Variants in RFT1 observed in about 807,000 individuals in gnomAD.
RFT1 encodes man(5)GlcNAc(2)-PP-dolichol translocation protein RFT1.
Under a neutral mutation model 62.2 loss-of-function variants are expected in RFT1, and 43 were observed. That is an observed-to-expected ratio of 0.69 (90% CI 0.54 to 0.89). The LOEUF (loss-of-function observed/expected upper bound fraction) is 0.89, where lower values mean the gene tolerates loss of function less well. Ranked by LOEUF, RFT1 falls within the 40% of genes least tolerant of loss-of-function variation. RFT1 has a pLI of 0.00. For missense variants in RFT1, 605 were observed against 649.9 expected, an observed-to-expected ratio of 0.93 and a Z score of 0.75; for synonymous variants, 262 against 264.6, an observed-to-expected ratio of 0.99 and a Z score of 0.10.
Position 53,130,328 on chromosome 3 carries a change from CAG to C in RFT1, c.63+8_63+9del. On this transcript the variant is annotated splice_region_variant and intron_variant, in intron 1 of 12. Coordinates refer to ENST00000296292, the MANE Select transcript of RFT1 (RefSeq NM_052859.4). The stretch of plus-strand genomic sequence containing the variant: ...GCAGTACAAGCTGGAACCTGAAGGG[CAG>C]AGAGTACCTGCAGGAGGAGACCGGA... 1 of 1,565,586 alleles carries C rather than the reference CAG, an allele frequency of 6.4e-7. No homozygotes were observed. The highest frequency in any genetic ancestry group is 1.9e-5 in the Admixed American group (1 of 53,232).
chr3:53,070,549 C>A, the RFT1 span, among the ~76,000 whole-genome samples: 1 of 151,446 alleles, frequency 6.6e-6, no homozygotes, highest in South Asian at 2.1e-4. Context: ...TTACAGGCAT[C>A]CGCCACCACA....
chr3:53,125,807 T>C, intron 2 of RFT1, 102 bp downstream of exon 2: 1 of 895,102 alleles, frequency 1.1e-6, no homozygotes, highest in East Asian at 2.6e-5. Flanking sequence ...CTGATAAAGG[T>C]CCATGCTTCT....
downstream of RFT1, among the ~76,000 whole-genome samples, chr3:53,086,559 A>G (rs1575474731): frequency 6.6e-6 from 1 of 152,016 alleles, no homozygotes; most frequent in East Asian, 1.9e-4. Context: ...CAGGCGATCC[A>G]CCTGCCTCGG....
Position 53,099,482 on chromosome 3 carries a change from A to G in RFT1, c.1107T>C (p.Pro369=), listed in dbSNP as rs1392423722. 1.9e-6 allele frequency: 3 copies of G among 1,613,230 alleles called. No homozygotes were observed. The highest frequency in any genetic ancestry group is 3.3e-5 in the Admixed American group (2 of 59,984). The change falls in exon 11 of 13, where the codon CCT becomes CCC. Residue 369 remains proline (P), a synonymous_variant. Coordinates refer to ENST00000296292, the MANE Select transcript of RFT1 (RefSeq NM_052859.4). ...AGAGACAGTAGGAACGCAGCAAAAC[A>G]GGACCTACAAGGAAACAACTCACTG... ...GGTMLSSGSG[P]VLLRSYCLYV... is the part of the protein sequence containing the mutation.
At chr3:53,120,844 C>T (rs1216123632) in intron 5 of RFT1, among the ~76,000 whole-genome samples, 2 of 152,152 alleles carry the variant, frequency 1.3e-5, no homozygotes, top group Non-Finnish European at 2.9e-5. Flanking sequence ...GGTGTGGGCC[C>T]CTCTGCTCTC....
intron 1 of RFT1, among the ~76,000 whole-genome samples, chr3:53,127,306 T>C (rs1348090095): frequency 2.0e-5 from 3 of 152,208 alleles, no homozygotes; most frequent in Non-Finnish European, 2.9e-5. Context: ...CTAATTGTTA[T>C]AAGCCTCAAT....
chr3:53,105,426 C>A (rs867264482), intron 9 of RFT1, among the ~76,000 whole-genome samples: 1,529 of 129,668 alleles, frequency 0.012, 23 homozygotes, highest in Middle Eastern at 0.031. Context: ...CCCCCCCCCC[C>A]AAAAAGAGTA....
intron 9 of RFT1, 67 bp from the exon 10 acceptor site, chr3:53,104,164 G>T: frequency 6.5e-7 from 1 of 1,531,354 alleles, no homozygotes; most frequent in Non-Finnish European, 9.0e-7. Context: ...CATCCTTCAC[G>T]TCTGGCCTTC....
the RFT1 span, among the ~76,000 whole-genome samples, chr3:53,075,032 A>C: frequency 6.6e-6 from 1 of 152,214 alleles, no homozygotes; most frequent in Middle Eastern, 3.4e-3. Context: ...TCAGGCCCTC[A>C]GCCCTGAGCA....
At chr3:53,126,655 G>A (rs542151669) in intron 1 of RFT1, among the ~76,000 whole-genome samples, 5 of 152,310 alleles carry the variant, frequency 3.3e-5, no homozygotes, top group East Asian at 1.9e-4. Flanking sequence ...AAGGGAGAGA[G>A]TGTCCAATTA....
At chr3:53,120,169 T>C in intron 5 of RFT1, 148 bp from the exon 6 acceptor site, 3 of 645,856 alleles carry the variant, frequency 4.6e-6, no homozygotes, top group Non-Finnish European at 5.1e-6. Flanking sequence ...ATGGCACTAG[T>C]CACTTAGACC....
chr3:53,090,365 A>G lies in RFT1; in HGVS notation c.*1538T>C, dbSNP rs1054249925. 2.6e-5 allele frequency: 4 copies of G among 152,532 alleles called. No homozygotes were observed. The highest frequency in any genetic ancestry group is 7.2e-5 in the African/African-American group (3 of 41,382). The allele number at this position is 152,532 out of a possible 1,614,324, so 9.4% of individuals were successfully genotyped here. Reference sequence around the variant, plus strand: ...TGTGTGCTCCACTTGACCCTATGGGACCATCCATTTTTCTGAGCTGGCCTG... The same window carrying G: ...TGTGTGCTCCACTTGACCCTATGGGGCCATCCATTTTTCTGAGCTGGCCTG... On this transcript the variant is annotated 3_prime_UTR_variant, in exon 13 of 13. Coordinates refer to ENST00000296292, the MANE Select transcript of RFT1 (RefSeq NM_052859.4).
intron 6 of RFT1, among the ~76,000 whole-genome samples, chr3:53,119,211 A>G (rs551103864): frequency 1.3e-5 from 2 of 149,334 alleles, no homozygotes; most frequent in East Asian, 3.9e-4. Flanking sequence ...CTCAAGGAGA[A>G]AAAAAAAAAA....
chr3:53,116,333 G>A (rs116586712), intron 6 of RFT1, among the ~76,000 whole-genome samples: 2,314 of 136,936 alleles, frequency 0.017, 61 homozygotes, highest in African/African-American at 0.061. Context: ...TCACTCTGTC[G>A]CCCAGGCTAA....
chr3:53,106,816 T>C lies in RFT1; in HGVS notation c.826+3A>G, dbSNP rs1257317057. ...ATTAAAACACTACAGAATTTCATCT[T>C]ACCCTGATCACCAAAGTTCAATACA... On this transcript the variant is annotated splice_donor_region_variant and intron_variant, in intron 8 of 12. Coordinates refer to ENST00000296292, the MANE Select transcript of RFT1 (RefSeq NM_052859.4). 1.2e-6 allele frequency: 2 copies of C among 1,609,840 alleles called. No homozygotes were observed. Among genetic ancestry groups the C allele is most frequent in the South Asian group, 1.1e-5 (1 of 90,974 alleles).
rs76748625 is a variant in RFT1 at position 53,102,020 on chromosome 3, G to A, written c.1102+1933C>T. Among the ~76,000 whole-genome samples, 20 of 151,796 alleles carry A rather than the reference G, an allele frequency of 1.3e-4. 1 individual carries two copies. The East Asian group carries it at 3.9e-3, about 29-fold the overall frequency. On this transcript the variant is annotated intron_variant, in intron 10 of 12. Transcript: ENST00000296292. ...CCACTGTACTCCAGCCTGGGTGATAGAGTGAGACTTCATCTCACTAAAAAA... is the reference window on the plus strand; with the variant it reads ...CCACTGTACTCCAGCCTGGGTGATAAAGTGAGACTTCATCTCACTAAAAAA...
At chr3:53,069,002 C>T in the RFT1 span, among the ~76,000 whole-genome samples, 1 of 152,226 alleles carries the variant, frequency 6.6e-6, no homozygotes, top group Non-Finnish European at 1.5e-5. Flanking sequence ...TGCAATGGCA[C>T]AATCTCAGCT....
rs1483033641 is a variant in RFT1 at position 53,104,050 on chromosome 3, C to G, written c.1005G>C (p.Leu335=). Residue 335 remains leucine (L), a synonymous_variant, in exon 10 of 13, where the codon CTG becomes CTC. Transcript: ENST00000296292. ...TGATGGTCAGGCCGGCCAGCAGGGCCAGCTTGAGCAGGGACTCCAAGACTG... is the reference window on the plus strand; with the variant it reads ...TGATGGTCAGGCCGGCCAGCAGGGCGAGCTTGAGCAGGGACTCCAAGACTG... The part of the protein sequence containing the change: ...AAAVLESLLK[L]ALLAGLTITV... The G allele has an allele frequency of 1.9e-6, 3 of 1,614,188 alleles. No homozygotes were observed. Among genetic ancestry groups the G allele is most frequent in the Admixed American group, 1.7e-5 (1 of 60,028 alleles).
At chr3:53,087,151 T>C (rs1700872106), downstream of RFT1, among the ~76,000 whole-genome samples, 1 of 152,146 alleles carries the variant, frequency 6.6e-6, no homozygotes, top group Non-Finnish European at 1.5e-5. Context: ...GCACGAGAAT[T>C]GCTTGCACCT....
Sources: gnomAD v4.1 joint callset for allele counts (sites outside exome capture counted in the v4.1 genomes callset) on GRCh38, gnomAD v4.1.1 for gene constraint, MANE v1.5 for transcripts, NCBI Gene and HGNC (gene_info 2026-07-23, HGNC 2026-07-21) for gene names.